The following CFAP95 variants were observed in gnomAD, a reference collection of about 807,000 sequenced individuals.
CFAP95 encodes the protein cilia- and flagella-associated protein 95.
chr9:69,879,759 G>A, the CFAP95 span, among the ~76,000 whole-genome samples: 4 of 152,292 alleles, frequency 2.6e-5, no homozygotes, highest in South Asian at 2.1e-4. Flanking sequence ...GGTTTGGATC[G>A]TAAGTCAGAA....
chr9:69,835,307 T>C, the CFAP95 span, among the ~76,000 whole-genome samples: 1 of 152,268 alleles, frequency 6.6e-6, no homozygotes, highest in Non-Finnish European at 1.5e-5. Flanking sequence ...AAAGTGTGTC[T>C]CTTGTCAAGT....
the CFAP95 span, among the ~76,000 whole-genome samples, chr9:69,861,283 G>A: frequency 2.6e-5 from 4 of 152,124 alleles, no homozygotes; most frequent in Non-Finnish European, 4.4e-5. Flanking sequence ...GACTGAAAGA[G>A]CATTATTTGG....
chr9:69,844,260 A>G, the CFAP95 span, among the ~76,000 whole-genome samples: 1 of 152,224 alleles, frequency 6.6e-6, no homozygotes, highest in Non-Finnish European at 1.5e-5. Context: ...CATTGGAATC[A>G]CTGAGTAATT....
At chr9:69,901,530 T>G in the CFAP95 span, among the ~76,000 whole-genome samples, 2 of 151,252 alleles carry the variant, frequency 1.3e-5, no homozygotes, top group Non-Finnish European at 3.0e-5. Flanking sequence ...TCATCCTTTT[T>G]ATGGCTGCAT....
At chr9:69,850,286 A>G in the CFAP95 span, among the ~76,000 whole-genome samples, 1 of 152,260 alleles carries the variant, frequency 6.6e-6, no homozygotes. Context: ...TAGTGGCTCA[A>G]TGCCAAGGCA....
chr9:69,836,771 G>A, the CFAP95 span, among the ~76,000 whole-genome samples: 1 of 141,658 alleles, frequency 7.1e-6, no homozygotes, highest in African/African-American at 2.6e-5. Flanking sequence ...GGGTACATGT[G>A]CACATTGTGC....
the CFAP95 span, among the ~76,000 whole-genome samples, chr9:69,851,851 G>C: frequency 6.8e-6 from 1 of 147,114 alleles, no homozygotes; most frequent in East Asian, 2.0e-4. Flanking sequence ...ATGGGTAACA[G>C]TGAGACCCTA....
the CFAP95 span, among the ~76,000 whole-genome samples, chr9:69,843,962 A>C: frequency 6.6e-6 from 1 of 151,894 alleles, no homozygotes; most frequent in Non-Finnish European, 1.5e-5. Context: ...CACTCTTTTA[A>C]TCAAGATGTT....
At chr9:69,841,124 T>G in the CFAP95 span, among the ~76,000 whole-genome samples, 3 of 134,876 alleles carry the variant, frequency 2.2e-5, no homozygotes, top group Non-Finnish European at 3.2e-5. Context: ...AAAATGATAG[T>G]TAGACTGATG....
At chr9:69,826,832 G>A in the CFAP95 span, among the ~76,000 whole-genome samples, 36 of 152,148 alleles carry the variant, frequency 2.4e-4, no homozygotes, top group Admixed American at 2.1e-3. Flanking sequence ...ATGAGCAAAT[G>A]AGCAGGCAGA....
At chr9:69,893,053 C>T in the CFAP95 span, among the ~76,000 whole-genome samples, 1 of 152,218 alleles carries the variant, frequency 6.6e-6, no homozygotes, top group African/African-American at 2.4e-5. Flanking sequence ...AGGGCTGTCA[C>T]ACAGAGCTGT....
chr9:69,904,751 C>T, the CFAP95 span, among the ~76,000 whole-genome samples: 1 of 152,212 alleles, frequency 6.6e-6, no homozygotes, highest in African/African-American at 2.4e-5. Flanking sequence ...GACCTACCCA[C>T]CAAGCAACCA....
the CFAP95 span, chr9:69,905,920 T>C: frequency 7.1e-7 from 1 of 1,417,280 alleles, no homozygotes; most frequent in South Asian, 1.7e-5. Context: ...CATACTTCAG[T>C]TATTAAATAT....
At chr9:69,896,047 T>C in the CFAP95 span, among the ~76,000 whole-genome samples, 1 of 152,212 alleles carries the variant, frequency 6.6e-6, no homozygotes, top group Non-Finnish European at 1.5e-5. Context: ...ATTTTCTTCT[T>C]TTTGATTATC....
the CFAP95 span, among the ~76,000 whole-genome samples, chr9:69,891,533 G>T: frequency 6.7e-6 from 1 of 149,250 alleles, no homozygotes. Context: ...GCTTATTAAA[G>T]AAATATCTAA....
At chr9:69,892,666 C>A in the CFAP95 span, among the ~76,000 whole-genome samples, 10 of 152,108 alleles carry the variant, frequency 6.6e-5, no homozygotes, top group Non-Finnish European at 1.5e-4. Flanking sequence ...TTTTCCAAAG[C>A]CACCCTGGCC....
chr9:69,835,415 T>G, the CFAP95 span, among the ~76,000 whole-genome samples: 1 of 152,212 alleles, frequency 6.6e-6, no homozygotes, highest in Admixed American at 6.5e-5. Context: ...CATATGTATG[T>G]TGAAAGTTTT....
the CFAP95 span, among the ~76,000 whole-genome samples, chr9:69,892,422 G>T: frequency 3.3e-5 from 5 of 152,244 alleles, no homozygotes; most frequent in East Asian, 9.7e-4. Flanking sequence ...GTCAAGAGTT[G>T]GGCATGCAGG....
chr9:69,861,739 A>C, the CFAP95 span, among the ~76,000 whole-genome samples: 1 of 150,576 alleles, frequency 6.6e-6, no homozygotes, highest in Admixed American at 6.6e-5. Flanking sequence ...TCAAAAAAAA[A>C]AAAAAAAAAA....
Sources: gnomAD v4.1 joint callset for allele counts (sites outside exome capture counted in the v4.1 genomes callset) on GRCh38, gnomAD v4.1.1 for gene constraint, MANE v1.5 for transcripts, NCBI Gene and HGNC (gene_info 2026-07-23, HGNC 2026-07-21) for gene names.